GPC6: variants seen among roughly 807,000 people sequenced by gnomAD.
GPC6 encodes glypican 6, also known as glypican-6.
A neutral mutation model predicts 55.2 loss-of-function variants in GPC6; 14 were observed. That is an observed-to-expected ratio of 0.25 (90% CI 0.17 to 0.40). The LOEUF (loss-of-function observed/expected upper bound fraction) is 0.40, where lower values mean the gene tolerates loss of function less well. Among genes scored for constraint, GPC6 ranks in the 10% least tolerant of loss-of-function variants. GPC6 has a pLI of 1.00. For missense variants in GPC6, 641 were observed against 708.5 expected (o/e 0.90, Z 1.08); for synonymous variants, 278 against 259.6 (o/e 1.07, Z -0.68).
rs73554228 is a variant in GPC6, at chr13:93,293,802, T to C, written c.160+66186T>C. On this transcript the variant is annotated intron_variant, in intron 1 of 8. Coordinates refer to ENST00000377047, the MANE Select transcript of GPC6 (RefSeq NM_005708.5). ...AGTACACAGAGTTCTGGTGATGTAT[T>C]CATTCATGAGTTTAGGAAGTGAGAT... Among the ~76,000 whole-genome samples the C allele has an allele frequency of 4.2e-3, 633 of 151,878 alleles. 5 individuals carry two copies. Among genetic ancestry groups the C allele is most frequent in the African/African-American group, 0.015 (611 of 41,158 alleles).
chr13:93,554,463 T>C, intron 2 of GPC6, among the ~76,000 whole-genome samples: 1 of 152,172 alleles, frequency 6.6e-6, no homozygotes, highest in East Asian at 1.9e-4. Context: ...TCTTTAAATC[T>C]CCTTGGTAAG....
At chr13:93,492,482 C>T (rs1186908300) in intron 1 of GPC6, among the ~76,000 whole-genome samples, 2 of 151,072 alleles carry the variant, frequency 1.3e-5, no homozygotes, top group Non-Finnish European at 2.9e-5. Context: ...GACAATTTGA[C>T]TTCCTCTTTT....
chr13:94,289,273 C>A (rs534438980), intron 5 of GPC6, among the ~76,000 whole-genome samples: 1 of 152,120 alleles, frequency 6.6e-6, no homozygotes, highest in Non-Finnish European at 1.5e-5. Flanking sequence ...GAAACCACTT[C>A]TGTAATAGTT....
chr13:93,320,635 A>T (rs914930751), intron 1 of GPC6, among the ~76,000 whole-genome samples: 4 of 149,654 alleles, frequency 2.7e-5, no homozygotes, highest in African/African-American at 4.9e-5. Flanking sequence ...TGTATATATT[A>T]TATATATATA....
In GPC6 at chr13:93,886,396, G is replaced by A. The variant is rs576339171; in HGVS notation, c.711+55851G>A. 8.9e-4 allele frequency among the ~76,000 whole-genome samples: 136 copies of A among 152,112 alleles called. 1 individual carries two copies. The Middle Eastern group carries it at 0.024, about 27-fold the overall frequency. On this transcript the variant is annotated intron_variant, in intron 3 of 8. Transcript: ENST00000377047. The stretch of plus-strand genomic sequence containing the variant: ...TATTCTTGGAGAAAAGATGCTGAGT[G>A]GCTGTCCCCAGTGCAGATTCTAATG...
intron 3 of GPC6, among the ~76,000 whole-genome samples, chr13:94,000,431 C>G (rs1881747725): frequency 6.6e-6 from 1 of 152,180 alleles, no homozygotes; most frequent in South Asian, 2.1e-4. Flanking sequence ...GCATCACTGC[C>G]ATCTTTCTGT....
At chr13:93,497,818 T>A (rs1217348360) in intron 1 of GPC6, among the ~76,000 whole-genome samples, 1 of 152,176 alleles carries the variant, frequency 6.6e-6, no homozygotes, top group Non-Finnish European at 1.5e-5. Context: ...ATAAATCAAA[T>A]GCATTCCAGA....
intron 2 of GPC6, among the ~76,000 whole-genome samples, chr13:93,655,403 T>C (rs1197723843): frequency 1.3e-5 from 2 of 152,102 alleles, no homozygotes; most frequent in Non-Finnish European, 2.9e-5. Flanking sequence ...GTACAGATGG[T>C]GCAGCTTTAT....
chr13:93,860,565 A>C lies in GPC6; in HGVS notation c.711+30020A>C, dbSNP rs185968667. 2.4e-3 allele frequency among the ~76,000 whole-genome samples: 371 copies of C among 151,736 alleles called. 1 individual carries two copies. Among genetic ancestry groups the C allele is most frequent in the African/African-American group, 8.6e-3 (356 of 41,474 alleles). On this transcript the variant is annotated intron_variant, in intron 3 of 8. Transcript: ENST00000377047. ...AATGTGTCAGAATGAAGAACTTTGA[A>C]ATTTCTGTGCAGAATGTCTCAGCAT...
At chr13:93,251,076 A>G (rs1188072607) in intron 1 of GPC6, among the ~76,000 whole-genome samples, 1 of 152,032 alleles carries the variant, frequency 6.6e-6, no homozygotes, top group Non-Finnish European at 1.5e-5. Flanking sequence ...GGAGGAAACC[A>G]TCCCCATGAT....
chr13:93,463,891 T>G (rs1878805639), intron 1 of GPC6, among the ~76,000 whole-genome samples: 1 of 152,170 alleles, frequency 6.6e-6, no homozygotes, highest in Non-Finnish European at 1.5e-5. Context: ...CTCAAATTTC[T>G]GCTTAATTGT....
chr13:93,712,402 G>C (rs1186013403), intron 2 of GPC6, among the ~76,000 whole-genome samples: 1 of 151,802 alleles, frequency 6.6e-6, no homozygotes, highest in Admixed American at 6.6e-5. Context: ...GCACGCATCA[G>C]TAGGGTGGGA....
At chr13:93,323,880 G>T (rs1370319598) in intron 1 of GPC6, among the ~76,000 whole-genome samples, 1 of 152,082 alleles carries the variant, frequency 6.6e-6, no homozygotes, top group African/African-American at 2.4e-5. Flanking sequence ...AGAACAGTTG[G>T]GTGATTCCGC....
intron 2 of GPC6, among the ~76,000 whole-genome samples, chr13:93,599,235 G>T (rs1003047433): frequency 1.3e-5 from 2 of 150,482 alleles, no homozygotes; most frequent in African/African-American, 4.9e-5. Flanking sequence ...ATATTTTATT[G>T]ATTTTTCAAG....
At chr13:94,286,568 G>A in intron 5 of GPC6, 89 bp downstream of exon 5, 1 of 1,186,204 alleles carries the variant, frequency 8.4e-7, no homozygotes, top group East Asian at 2.4e-5. Flanking sequence ...TGTCGGCTGG[G>A]CTTATAAATT....
intron 2 of GPC6, among the ~76,000 whole-genome samples, chr13:93,794,755 C>A (rs4486747): frequency 0.33 from 50,046 of 151,878 alleles, 8,634 homozygotes; most frequent in African/African-American, 0.43. Context: ...ACTCAAGGAT[C>A]AAAACAGGGC....
intron 1 of GPC6, among the ~76,000 whole-genome samples, chr13:93,272,490 G>GTATATATATATATA (rs71202576): frequency 2.5e-4 from 24 of 95,410 alleles, no homozygotes; most frequent in African/African-American, 1.0e-3. Context: ...CATTGTCTGT[G>GTATATATATATATA]TGTATATATA....
chr13:94,168,831 G>A (rs1217341627), intron 4 of GPC6, among the ~76,000 whole-genome samples: 1 of 151,362 alleles, frequency 6.6e-6, no homozygotes, highest in Non-Finnish European at 1.5e-5. Flanking sequence ...GATTTTAAAA[G>A]ATTAAAGTGA....
rs73549570 is a variant in GPC6, at chr13:93,810,968, G to T, written c.320-19186G>T. 3.8e-3 allele frequency among the ~76,000 whole-genome samples: 584 copies of T among 152,292 alleles called. 7 individuals carry two copies. The highest frequency in any genetic ancestry group is 0.013 in the African/African-American group (548 of 41,564). ...TGGTCGTATTCAAACCATTTCAGAA[G>T]AAATGTTTCCTCTTTCCATGAGCAG... On this transcript the variant is annotated intron_variant, in intron 2 of 8. Coordinates refer to ENST00000377047, the MANE Select transcript of GPC6 (RefSeq NM_005708.5).
Sources: gnomAD v4.1 joint callset for allele counts (sites outside exome capture counted in the v4.1 genomes callset) on GRCh38, gnomAD v4.1.1 for gene constraint, MANE v1.5 for transcripts, NCBI Gene and HGNC (gene_info 2026-07-23, HGNC 2026-07-21) for gene names.